Variants in KIAA0753 observed in about 807,000 individuals in gnomAD.
KIAA0753 encodes protein moonraker.
KIAA0753 carries 114 observed loss-of-function variants against 116.9 expected under a neutral mutation model. The ratio of observed to expected loss-of-function variants is 0.98; its 90% CI spans 0.84 to 1.14. The LOEUF is 1.14. KIAA0753 is among the 50% of genes most tolerant of loss of function. The pLI is 0.00. For synonymous variants in KIAA0753, 405 were observed against 413.1 expected (o/e 0.98, Z 0.24); for missense variants, 1,156 against 1,172.4 (o/e 0.99, Z 0.20).
At chr17:6,599,138 T>A in intron 14 of KIAA0753, 99 bp downstream of exon 14, 2 of 796,048 alleles carry the variant, frequency 2.5e-6, no homozygotes, top group Non-Finnish European at 4.3e-6. Flanking sequence ...TTGAGTAGGA[T>A]AATCTAGTGT....
chr17:6,597,986 AT>A (rs1295947533), intron 14 of KIAA0753, among the ~76,000 whole-genome samples: 6 of 152,360 alleles, frequency 3.9e-5, no homozygotes, highest in Middle Eastern at 3.4e-3. Context: ...TGAAGCTGCT[AT>A]TTAACAACAG....
chr17:6,634,822 C>G, intron 2 of KIAA0753, 189 bp downstream of exon 2: 1 of 541,856 alleles, frequency 1.8e-6, no homozygotes, highest in South Asian at 2.3e-5. Context: ...ATCAGGTTGA[C>G]TGCAATTTGC....
Position 6,610,023 on chromosome 17 carries a change from G to A in KIAA0753, c.1683C>T (p.Asn561=). 6.2e-7 allele frequency: 1 copy of A among 1,614,132 alleles called. No homozygotes were observed. Residue 561 remains asparagine (N), a synonymous_variant, in exon 9 of 19, where the codon AAC becomes AAT. Coordinates refer to ENST00000361413, the MANE Select transcript of KIAA0753 (RefSeq NM_014804.3). ...TAGGAGACGCTGGTGGGGATGTGGG[G>A]TTTGGGGGTATCCATGGTGCCTTGC... The part of the protein sequence containing the change: ...KDRKAPWIPP[N]PTSPPASPKC...
Position 6,629,842 on chromosome 17 carries a change from A to G in KIAA0753, c.94-1101T>C, listed in dbSNP as rs530414134. On this transcript the variant is annotated intron_variant, in intron 2 of 18. Coordinates refer to ENST00000361413, the MANE Select transcript of KIAA0753 (RefSeq NM_014804.3). ...AAAAAGTAGTTAGAAAGCTCACTAA[A>G]GAAAAAACAAATAGGTACCATCTGA... is the stretch of plus-strand genomic sequence containing the variant. Among the ~76,000 whole-genome samples the G allele has an allele frequency of 2.6e-5, 4 of 152,366 alleles. No homozygotes were observed. In the South Asian group the frequency reaches 8.3e-4, roughly 32 times the overall value.
chr17:6,590,423 G>T, intron 17 of KIAA0753, 87 bp downstream of exon 17: 1 of 1,513,068 alleles, frequency 6.6e-7, no homozygotes. Flanking sequence ...ATTTCTGTCT[G>T]TCTTATGGGA....
intron 12 of KIAA0753, among the ~76,000 whole-genome samples, chr17:6,601,747 GC>G (rs1597501004): frequency 1.3e-5 from 2 of 152,076 alleles, no homozygotes; most frequent in East Asian, 3.9e-4. Context: ...ACTAACATAG[GC>G]AATGATTTCT....
Position 6,623,572 on chromosome 17 carries a change from C to G in KIAA0753, c.826-1G>C. 1 of 1,607,990 alleles carries G rather than the reference C, an allele frequency of 6.2e-7. No homozygotes were observed. The highest frequency in any genetic ancestry group is 1.3e-5 in the African/African-American group (1 of 74,702). Reference sequence around the variant, plus strand: ...CCAATTCTTCCTGGATTTCTTTTACCTGTTTTGTAAAGGGGAAAAAAGAAA... The same window carrying G: ...CCAATTCTTCCTGGATTTCTTTTACGTGTTTTGTAAAGGGGAAAAAAGAAA... On this transcript the variant is annotated splice_acceptor_variant, in intron 4 of 18. Transcript: ENST00000361413. LOFTEE classifies it high-confidence loss of function.
Position 6,596,337 on chromosome 17 carries a change from C to T in KIAA0753, c.2179G>A (p.Ala727Thr). The T allele has an allele frequency of 6.4e-7, 1 of 1,550,748 alleles. No individual in the cohort carries two copies. Among genetic ancestry groups the T allele is most frequent in the East Asian group, 2.4e-5 (1 of 40,952 alleles). ...ATGTTGTTGGATTCAAAATCAACAGCTGCAACCTACAAGATGGGGTGGGGT... is the reference window on the plus strand; with the variant it reads ...ATGTTGTTGGATTCAAAATCAACAGTTGCAACCTACAAGATGGGGTGGGGT... ...AKAQPAQEVA[A>T]VDFESNNIRQ... Residue 727 changes from alanine (A) to threonine (T), a missense_variant, in exon 15 of 19, where the codon GCT becomes ACT. Ala to Thr is a moderately conservative substitution (Grantham distance 58). Coordinates refer to ENST00000361413, the MANE Select transcript of KIAA0753 (RefSeq NM_014804.3).
intron 2 of KIAA0753, among the ~76,000 whole-genome samples, chr17:6,631,917 G>A (rs1313247426): frequency 6.6e-6 from 1 of 152,090 alleles, no homozygotes; most frequent in East Asian, 1.9e-4. Flanking sequence ...TTATGAGACG[G>A]AGTCACCCAG....
At chr17:6,630,922 C>T (rs1971987394) in intron 2 of KIAA0753, among the ~76,000 whole-genome samples, 1 of 151,928 alleles carries the variant, frequency 6.6e-6, no homozygotes, top group Non-Finnish European at 1.5e-5. Context: ...CAAAAAGAAA[C>T]AGAAAACAAA....
At chr17:6,631,141 A>T (rs895441555) in intron 2 of KIAA0753, among the ~76,000 whole-genome samples, 1 of 152,226 alleles carries the variant, frequency 6.6e-6, no homozygotes, top group East Asian at 1.9e-4. Flanking sequence ...AAAAAAATCC[A>T]TAAGGATAGT....
intron 7 of KIAA0753, among the ~76,000 whole-genome samples, chr17:6,619,432 A>C (rs760488018): frequency 3.3e-5 from 5 of 151,144 alleles, no homozygotes; most frequent in Admixed American, 6.6e-5. Context: ...TGTAAGTTCT[A>C]CTTTTTTTTT....
intron 2 of KIAA0753, among the ~76,000 whole-genome samples, chr17:6,630,762 C>A (rs1971976289): frequency 6.6e-6 from 1 of 152,166 alleles, no homozygotes; most frequent in Non-Finnish European, 1.5e-5. Context: ...TGAGGAAGAT[C>A]TCTGTGACAC....
chr17:6,610,421 A>G (rs976531182), intron 8 of KIAA0753, among the ~76,000 whole-genome samples: 2 of 151,792 alleles, frequency 1.3e-5, no homozygotes, highest in Non-Finnish European at 2.9e-5. Context: ...CAATATATAA[A>G]ATATATTTTT....
intron 7 of KIAA0753, among the ~76,000 whole-genome samples, chr17:6,619,848 G>A (rs1971185710): frequency 6.6e-6 from 1 of 152,148 alleles, no homozygotes; most frequent in African/African-American, 2.4e-5. Context: ...AACTAACAAA[G>A]TCCCGTATTT....
rs1597457785 is a variant in KIAA0753 at position 6,586,322 on chromosome 17, G to A, written c.2786+3457C>T. 2.0e-5 allele frequency among the ~76,000 whole-genome samples: 3 copies of A among 152,246 alleles called. No individual in the cohort carries two copies. The South Asian group carries it at 6.2e-4, about 32-fold the overall frequency. ...AATTACCCAGTCTCAGGTATTTATAGCAATGCAAGAATGGCCCAATACACC... is the reference window on the plus strand; with the variant it reads ...AATTACCCAGTCTCAGGTATTTATAACAATGCAAGAATGGCCCAATACACC... On this transcript the variant is annotated intron_variant, in intron 18 of 18. Coordinates refer to ENST00000361413, the MANE Select transcript of KIAA0753 (RefSeq NM_014804.3).
Position 6,610,124 on chromosome 17 carries a change from G to A in KIAA0753, c.1582C>T (p.Pro528Ser), listed in dbSNP as rs1970435368. The A allele has an allele frequency of 6.2e-7, 1 of 1,613,956 alleles. No homozygotes were observed. Among genetic ancestry groups the A allele is most frequent in the Admixed American group, 1.7e-5 (1 of 59,994 alleles). ...RKAERGRQSQ[P>S]HSKSRVQQTT... is the part of the protein sequence containing the mutation. ...TGCTGCACTCTGCTTTTACTGTGAGGTTGGCTTTGTCTACCTCTTTCAGCT... is the reference window on the plus strand; with the variant it reads ...TGCTGCACTCTGCTTTTACTGTGAGATTGGCTTTGTCTACCTCTTTCAGCT... Residue 528 changes from proline to serine, a missense_variant, in exon 9 of 19, where the codon CCT (proline) becomes TCT (serine). Coordinates refer to ENST00000361413, the MANE Select transcript of KIAA0753 (RefSeq NM_014804.3).
At chr17:6,635,635 C>T (rs928935984) in intron 1 of KIAA0753, 16 of 152,484 alleles carry the variant, frequency 1.0e-4, no homozygotes, top group African/African-American at 3.9e-4. Flanking sequence ...CTAAGTAAAC[C>T]TGTAGCATCA....
chr17:6,622,671 G>A (rs530333414), intron 6 of KIAA0753, among the ~76,000 whole-genome samples: 16 of 152,324 alleles, frequency 1.1e-4, no homozygotes, highest in Admixed American at 2.0e-4. Context: ...TTATATTCAA[G>A]TTACCAATTT....
Sources: allele counts gnomAD v4.1 joint callset (sites outside exome capture counted in the v4.1 genomes callset), GRCh38; gene constraint gnomAD v4.1.1; transcripts MANE v1.5; gene names NCBI Gene and HGNC (gene_info 2026-07-23, HGNC 2026-07-21).